HMGXB3: variants seen among roughly 807,000 people sequenced by gnomAD.
HMGXB3 encodes the protein HMG domain-containing protein 3.
In HMGXB3, 45 loss-of-function variants were observed where a neutral mutation model predicts 121.5. The observed-to-expected ratio is 0.37, with a 90% CI of 0.29 to 0.47. The LOEUF is 0.47. HMGXB3 is among the 20% of genes least tolerant of loss of function. The pLI, the probability that HMGXB3 is intolerant of heterozygous loss-of-function variation, is 0.99. For missense variants in HMGXB3, 1,376 were observed against 1,602.2 expected (o/e 0.86, Z 2.41); for synonymous variants, 590 against 624.1 (o/e 0.95, Z 0.81).
intron 4 of HMGXB3, among the ~76,000 whole-genome samples, chr5:150,011,604 G>T (rs60396161): frequency 0.14 from 18,118 of 132,520 alleles, 4,205 homozygotes; most frequent in African/African-American, 0.48. Context: ...TTTTTTTTTG[G>T]TTTTTTTTTT....
intron 6 of HMGXB3, chr5:150,021,692 AT>A: frequency 1.9e-6 from 1 of 515,632 alleles, no homozygotes; most frequent in Non-Finnish European, 3.8e-6. Context: ...CTATGGAAAC[AT>A]TCCTATGTCT....
At chr5:150,042,558 A>G (rs1756661926) in intron 15 of HMGXB3, among the ~76,000 whole-genome samples, 1 of 141,296 alleles carries the variant, frequency 7.1e-6, no homozygotes, top group Non-Finnish European at 1.6e-5. Flanking sequence ...CTTGCTGGGT[A>G]TGATTGAGGA....
chr5:150,006,674 T>G, intron 3 of HMGXB3, 27 bp downstream of exon 3: 4 of 1,546,366 alleles, frequency 2.6e-6, no homozygotes, highest in Non-Finnish European at 3.5e-6. Context: ...TCCAGCTATT[T>G]TTTCCACTGG....
intron 9 of HMGXB3, among the ~76,000 whole-genome samples, chr5:150,029,391 G>A (rs996582830): frequency 3.3e-5 from 5 of 151,662 alleles, no homozygotes; most frequent in African/African-American, 1.2e-4. Flanking sequence ...AGGTTTGAGG[G>A]AGGCACATCT....
chr5:150,009,993 A>T, intron 3 of HMGXB3, 118 bp from the exon 4 acceptor site: 2 of 1,111,764 alleles, frequency 1.8e-6, no homozygotes, highest in Non-Finnish European at 2.5e-6. Context: ...GAGTTTTTCC[A>T]GTCCCTTTTG....
At position 150,053,116 on chromosome 5, in the gene HMGXB3, G is replaced by A. The variant is rs1756981770; in HGVS notation, c.*924G>A. The A allele has an allele frequency of 5.3e-6, 1 of 187,042 alleles. No homozygotes were observed. Among genetic ancestry groups the A allele is most frequent in the African/African-American group, 2.3e-5 (1 of 42,672 alleles). 11.6% of individuals were successfully genotyped at this position (187,042 alleles called of 1,614,324 possible). On this transcript the variant is annotated 3_prime_UTR_variant, in exon 20 of 20. Coordinates refer to ENST00000502717, the MANE Select transcript of HMGXB3 (RefSeq NM_014983.3). ...TCCCTCTTCCCCCAACAAGAATAAA[G>A]TTTATTAAATTATCTGGTTTTGGTG...
intron 12 of HMGXB3, 150 bp from the exon 13 acceptor site, chr5:150,037,250 A>G (rs557118605): frequency 2.6e-6 from 2 of 764,510 alleles, no homozygotes; most frequent in East Asian, 5.5e-5. Context: ...TGTAGGGATG[A>G]TTCCACAGAT....
chr5:150,028,825 C>T (rs1313061569), intron 9 of HMGXB3, among the ~76,000 whole-genome samples: 6 of 151,834 alleles, frequency 4.0e-5, no homozygotes, highest in Admixed American at 6.6e-5. Flanking sequence ...CTTCCCTCCT[C>T]GGCCTCCCAA....
intron 1 of HMGXB3, 49 bp from the exon 2 acceptor site, chr5:150,004,802 C>T: frequency 1.5e-6 from 2 of 1,351,978 alleles, no homozygotes; most frequent in Non-Finnish European, 2.0e-6. Context: ...GCTGCTGCCC[C>T]TCTTAGGGGA....
chr5:150,041,900 TG>T lies in HMGXB3; in HGVS notation c.2663del (p.Gly888ValfsTer17). Reference protein sequence around the residue: ...DYNDMICGICGVAPKVEMAQR... With the variant: ...DYNDMICGICXVAPKVEMAQR... ...ACAATGACATGATCTGTGGCATCTG[TG>T]GTGTGGCCCCCAAAGTGGAAATGGC... On this transcript the variant is annotated frameshift_variant, in exon 15 of 20. Coordinates refer to ENST00000502717, the MANE Select transcript of HMGXB3 (RefSeq NM_014983.3). LOFTEE classifies it high-confidence loss of function. 6.4e-7 allele frequency: 1 copy of T among 1,551,764 alleles called. No individual in the cohort carries two copies.
chr5:150,025,169 T>C (rs1269779544), intron 7 of HMGXB3, among the ~76,000 whole-genome samples: 3 of 152,210 alleles, frequency 2.0e-5, no homozygotes, highest in Non-Finnish European at 4.4e-5. Context: ...GAAAATCTTA[T>C]CCTCACAGGC....
intron 5 of HMGXB3, among the ~76,000 whole-genome samples, chr5:150,016,340 C>CAAAAA (rs34992392): frequency 3.2e-5 from 3 of 92,626 alleles, no homozygotes; most frequent in Non-Finnish European, 6.3e-5. Flanking sequence ...GACTCTGTCT[C>CAAAAA]AAAAAAAAAA....
At chr5:150,021,526 G>GT (rs1296265769) in intron 6 of HMGXB3, 1 of 335,968 alleles carries the variant, frequency 3.0e-6, no homozygotes, top group African/African-American at 2.1e-5. Context: ...GAGATTTTTT[G>GT]TTTTTTAACA....
chr5:150,003,565 C>T (rs993284169), intron 1 of HMGXB3, among the ~76,000 whole-genome samples: 2 of 151,332 alleles, frequency 1.3e-5, no homozygotes, highest in African/African-American at 2.4e-5. Context: ...GACAACATAG[C>T]GAGATTTCAT....
At chr5:150,046,490 C>A (rs960969015) in intron 16 of HMGXB3, among the ~76,000 whole-genome samples, 2 of 152,170 alleles carry the variant, frequency 1.3e-5, no homozygotes, top group African/African-American at 2.4e-5. Flanking sequence ...ATGTTGTGAT[C>A]CACTGGTTCT....
intron 4 of HMGXB3, among the ~76,000 whole-genome samples, chr5:150,011,476 G>A (rs1419830415): frequency 6.6e-6 from 1 of 152,156 alleles, no homozygotes; most frequent in African/African-American, 2.4e-5. Flanking sequence ...CTTATGGCCT[G>A]GGCAGAAGAG....
rs1424046518 is a variant in HMGXB3 at position 150,051,680 on chromosome 5, T to G, written c.3412-45T>G. On this transcript the variant is annotated intron_variant, in intron 19 of 19. Coordinates refer to ENST00000502717, the MANE Select transcript of HMGXB3 (RefSeq NM_014983.3). Reference sequence around the variant, plus strand: ...TTCTCGTCACCAGATGGGTTCCACCTTAGTCATTCCTTCTTATCAAAATGC... The same window carrying G: ...TTCTCGTCACCAGATGGGTTCCACCGTAGTCATTCCTTCTTATCAAAATGC... 3 of 1,417,506 alleles carry G rather than the reference T, an allele frequency of 2.1e-6. No individual in the cohort carries two copies. In the South Asian group the frequency reaches 4.1e-5, roughly 19 times the overall value. 87.8% of individuals were successfully genotyped at this position (1,417,506 alleles called of 1,614,324 possible).
In HMGXB3 at chr5:150,000,771, C is replaced by G. The variant is rs1400007951; in HGVS notation, c.-411C>G. 1 of 154,670 alleles carries G rather than the reference C, an allele frequency of 6.5e-6. No homozygotes were observed. The highest frequency in any genetic ancestry group is 2.4e-5 in the African/African-American group (1 of 41,508). The allele number at this position is 154,670 out of a possible 1,614,324, so 9.6% of individuals were successfully genotyped here. A position where few individuals can be genotyped will look rare whatever the true frequency, so the allele number is the denominator to read the frequency against. On this transcript the variant is annotated 5_prime_UTR_variant, in exon 1 of 20. Transcript: ENST00000502717. ...GGTGTGCCGCTACTGCCGGTGCAGCCGCCAAACCGGTGCCTCGGTGACGAC... is the reference window on the plus strand; with the variant it reads ...GGTGTGCCGCTACTGCCGGTGCAGCGGCCAAACCGGTGCCTCGGTGACGAC...
At chr5:150,028,501 A>ATGTGTGTGTGTGTGTGTGTG (rs1184146545) in intron 9 of HMGXB3, among the ~76,000 whole-genome samples, 3 of 96,840 alleles carry the variant, frequency 3.1e-5, no homozygotes, top group African/African-American at 1.2e-4. Flanking sequence ...ATATATATGT[A>ATGTGTGTGTGTGTGTGTGTG]TGTATGTGTG....
Sources: allele counts gnomAD v4.1 joint callset (sites outside exome capture counted in the v4.1 genomes callset), GRCh38; gene constraint gnomAD v4.1.1; transcripts MANE v1.5; gene names NCBI Gene and HGNC (gene_info 2026-07-23, HGNC 2026-07-21).